ADCY3: variants seen among roughly 807,000 people sequenced by gnomAD.
The protein encoded by ADCY3 is adenylate cyclase 3.
Under a neutral mutation model 119.4 loss-of-function variants are expected in ADCY3, and 70 were observed. That is an observed-to-expected ratio of 0.59 (90% CI 0.48 to 0.72). The LOEUF (loss-of-function observed/expected upper bound fraction) is 0.72. Ranked by LOEUF, ADCY3 falls within the 30% of genes least tolerant of loss-of-function variation. The pLI is 0.00. For missense variants in ADCY3, 1,238 were observed against 1,541.6 expected (o/e 0.80, Z 3.30); for synonymous variants, 672 against 621.4 (o/e 1.08, Z -1.21).
At position 24,830,687 on chromosome 2, in the gene ADCY3, A is replaced by C. The variant is rs750657764; in HGVS notation, c.2172+22T>G. ...CCACTGAGAACAGGGGCGTCCCTTC[A>C]ACAAGGACAGCAGGAGCTCACCATG... On this transcript the variant is annotated intron_variant, in intron 13 of 21. Transcript: ENST00000679454. 8 of 1,599,326 alleles carry C rather than the reference A, an allele frequency of 5.0e-6. No individual in the cohort carries two copies. In the East Asian group the frequency reaches 1.8e-4, roughly 36 times the overall value.
intron 3 of ADCY3, among the ~76,000 whole-genome samples, chr2:24,860,093 C>A (rs1221911445): frequency 6.6e-6 from 1 of 152,226 alleles, no homozygotes; most frequent in Non-Finnish European, 1.5e-5. Context: ...CTTCCCACAT[C>A]CTCCGTCAAC....
chr2:24,907,288 A>G (rs1229748726), intron 2 of ADCY3, among the ~76,000 whole-genome samples: 1 of 151,772 alleles, frequency 6.6e-6, no homozygotes, highest in Non-Finnish European at 1.5e-5. Flanking sequence ...GCCGACACCA[A>G]ACTACACTTC....
intron 2 of ADCY3, among the ~76,000 whole-genome samples, chr2:24,904,269 C>G (rs1034898218): frequency 6.6e-6 from 1 of 152,286 alleles, no homozygotes; most frequent in East Asian, 1.9e-4. Flanking sequence ...GTGGCTCACG[C>G]CTGTAATCCC....
chr2:24,879,665 T>C (rs1237979605), intron 2 of ADCY3, among the ~76,000 whole-genome samples: 2 of 152,206 alleles, frequency 1.3e-5, no homozygotes, highest in African/African-American at 2.4e-5. Flanking sequence ...AGTTTTCTTA[T>C]TCTCATTTTG....
intron 2 of ADCY3, among the ~76,000 whole-genome samples, chr2:24,889,486 A>T (rs577748523): frequency 2.0e-5 from 3 of 152,230 alleles, no homozygotes; most frequent in Non-Finnish European, 4.4e-5. Flanking sequence ...TCTTCAGTAC[A>T]TATGCATGTT....
At chr2:24,824,790 G>A (rs772560193) in intron 16 of ADCY3, among the ~76,000 whole-genome samples, 1 of 152,214 alleles carries the variant, frequency 6.6e-6, no homozygotes, top group Non-Finnish European at 1.5e-5. Flanking sequence ...TCGGGAGGCT[G>A]AGGCAGGAGA....
At chr2:24,902,081 GTT>G (rs1327235990) in intron 2 of ADCY3, among the ~76,000 whole-genome samples, 7 of 96,000 alleles carry the variant, frequency 7.3e-5, no homozygotes, top group Non-Finnish European at 1.4e-4. Context: ...TGTGTATTTG[GTT>G]TTTTTTTTTT....
chr2:24,912,557 GTGTGTGTGTGCA>G (rs1171391044), intron 2 of ADCY3, among the ~76,000 whole-genome samples: 5 of 80,092 alleles, frequency 6.2e-5, no homozygotes, highest in African/African-American at 2.0e-4. Context: ...ACGCATGTGT[GTGTGTGTGTGCA>G]TGTGTGTGTG....
Position 24,834,439 on chromosome 2 carries a change from CA to C in ADCY3, c.1967+45del. On this transcript the variant is annotated intron_variant, in intron 11 of 21. Transcript: ENST00000679454. This position sits in a 1 kb window ranked among gnomAD's most constrained non-coding sequence, Gnocchi z 4.2. The stretch of plus-strand genomic sequence containing the variant: ...CCTGCCCCCGCCCCCCGCCCGGCAC[CA>C]CCGCAGCCGAGGAAACTCGTGGCCC... 1 of 1,485,818 alleles carries C rather than the reference CA, an allele frequency of 6.7e-7. No individual in the cohort carries two copies. Among genetic ancestry groups the C allele is most frequent in the Non-Finnish European group, 9.1e-7 (1 of 1,099,854 alleles). 92.0% of individuals were successfully genotyped at this position (1,485,818 alleles called of 1,614,324 possible).
At chr2:24,911,167 TA>T (rs1277908271) in intron 2 of ADCY3, among the ~76,000 whole-genome samples, 1 of 150,210 alleles carries the variant, frequency 6.7e-6, no homozygotes, top group Non-Finnish European at 1.5e-5. Flanking sequence ...ACCAAAACCC[TA>T]ACCCCGTTGG....
At chr2:24,832,895 C>T (rs193148793) in intron 11 of ADCY3, among the ~76,000 whole-genome samples, 132 of 152,300 alleles carry the variant, frequency 8.7e-4, no homozygotes, top group Non-Finnish European at 1.5e-3. Context: ...TCTTGGTTAA[C>T]GGCACCCCCG....
At chr2:24,911,072 C>G (rs1242464168) in intron 2 of ADCY3, among the ~76,000 whole-genome samples, 1 of 152,064 alleles carries the variant, frequency 6.6e-6, no homozygotes, top group East Asian at 1.9e-4. Flanking sequence ...ACTCAACACC[C>G]CAGACATCTC....
chr2:24,840,839 A>C (rs773655712), intron 6 of ADCY3, among the ~76,000 whole-genome samples: 8 of 152,158 alleles, frequency 5.3e-5, no homozygotes, highest in African/African-American at 1.7e-4. Context: ...CCCCTCTGCC[A>C]GGGTCTTACA....
intron 2 of ADCY3, among the ~76,000 whole-genome samples, chr2:24,887,408 C>A (rs2148912895): frequency 2.0e-5 from 3 of 152,320 alleles, no homozygotes; most frequent in Middle Eastern, 6.8e-3. Flanking sequence ...CACCTGCGAG[C>A]TCCACGGCTC....
chr2:24,850,435 C>T (rs899451589), intron 3 of ADCY3, among the ~76,000 whole-genome samples: 5 of 152,148 alleles, frequency 3.3e-5, no homozygotes, highest in African/African-American at 1.2e-4. Flanking sequence ...GGTGAACTGG[C>T]AAATGGGTCC....
chr2:24,894,254 G>A (rs1678005947), intron 2 of ADCY3, among the ~76,000 whole-genome samples: 1 of 152,148 alleles, frequency 6.6e-6, no homozygotes. Context: ...AGGCCATGGT[G>A]GGAGAACTGC....
intron 3 of ADCY3, among the ~76,000 whole-genome samples, chr2:24,859,839 C>G (rs183126136): frequency 2.6e-5 from 4 of 152,324 alleles, no homozygotes; most frequent in Admixed American, 2.6e-4. Flanking sequence ...TGGAAACCCA[C>G]CCAGCGTCCA....
rs1301280628 is a variant in ADCY3, at chr2:24,834,751, C to T, written c.1805+43G>A. ...AGTTTCCTGAATCCCTTGTCAGGGC[C>T]CGGGAGGAGTGGTGGGCCTGGACGC... On this transcript the variant is annotated intron_variant, in intron 10 of 21. Transcript: ENST00000679454. This position sits in a 1 kb window ranked among gnomAD's most constrained non-coding sequence, Gnocchi z 4.2. 6.2e-7 allele frequency: 1 copy of T among 1,602,644 alleles called. No homozygotes were observed. Among genetic ancestry groups the T allele is most frequent in the African/African-American group, 1.3e-5 (1 of 74,832 alleles).
At chr2:24,831,629 G>T in intron 12 of ADCY3, 33 bp downstream of exon 12, 1 of 1,565,808 alleles carries the variant, frequency 6.4e-7, no homozygotes, top group African/African-American at 1.4e-5. Context: ...CACTTCCAGA[G>T]GCTTCTGAGC....
Sources: allele counts gnomAD v4.1 joint callset (sites outside exome capture counted in the v4.1 genomes callset), GRCh38; gene constraint gnomAD v4.1.1; non-coding constraint Gnocchi (gnomAD v3.1); transcripts MANE v1.5; gene names NCBI Gene and HGNC (gene_info 2026-07-23, HGNC 2026-07-21).